The following EXOC6 variants were observed in gnomAD, a reference collection of about 807,000 sequenced individuals.
EXOC6 encodes the protein SEC15-like 1.
EXOC6 carries 60 observed loss-of-function variants against 112.5 expected under a neutral mutation model. The ratio of observed to expected loss-of-function variants is 0.53; its 90% CI spans 0.43 to 0.66. The LOEUF (loss-of-function observed/expected upper bound fraction) is 0.66, where lower values mean the gene tolerates loss of function less well. Ranked by LOEUF, EXOC6 falls within the 30% of genes least tolerant of loss-of-function variation. The pLI is 0.00. For missense variants in EXOC6, 855 were observed against 957.1 expected (o/e 0.89, Z 1.41); for synonymous variants, 295 against 308.0 (o/e 0.96, Z 0.44).
chr10:92,873,084 C>T lies in EXOC6; in HGVS notation c.102-20265C>T, dbSNP rs576915252. ...ATTTATTTTCGCAATTCATTTTATC[C>T]TAGAGGACAAATACAATTAAATATA... On this transcript the variant is annotated intron_variant, in intron 1 of 21. Transcript: ENST00000260762. Among the ~76,000 whole-genome samples the T allele has an allele frequency of 1.5e-4, 23 of 152,224 alleles. No homozygotes were observed. In the South Asian group the frequency reaches 4.8e-3, roughly 32 times the overall value.
intron 1 of EXOC6, among the ~76,000 whole-genome samples, chr10:92,891,021 CG>C (rs1564805071): frequency 6.6e-6 from 1 of 152,140 alleles, no homozygotes; most frequent in African/African-American, 2.4e-5. Context: ...GACAAATCTA[CG>C]CAAGACATGT....
chr10:92,946,075 G>A (rs1852974805), intron 13 of EXOC6, among the ~76,000 whole-genome samples: 1 of 151,892 alleles, frequency 6.6e-6, no homozygotes, highest in African/African-American at 2.4e-5. Flanking sequence ...TGGATCACCA[G>A]GTCAGGAGAT....
chr10:92,926,675 A>G (rs935588334), intron 8 of EXOC6, among the ~76,000 whole-genome samples: 3 of 152,118 alleles, frequency 2.0e-5, no homozygotes, highest in African/African-American at 7.2e-5. Flanking sequence ...TTGGGATTAC[A>G]GGCACGTACC....
chr10:92,866,122 G>A (rs1271774975), intron 1 of EXOC6, among the ~76,000 whole-genome samples: 2 of 149,824 alleles, frequency 1.3e-5, no homozygotes, highest in Non-Finnish European at 3.0e-5. Context: ...AAAAATAAAA[G>A]CATCTACACA....
chr10:93,021,721 C>A (rs1399887258), intron 20 of EXOC6, among the ~76,000 whole-genome samples: 1 of 152,192 alleles, frequency 6.6e-6, no homozygotes, highest in African/African-American at 2.4e-5. Flanking sequence ...AAGTTTCCTA[C>A]TGGTGTAAGT....
chr10:93,037,859 G>A (rs1296973415), intron 20 of EXOC6, among the ~76,000 whole-genome samples: 1 of 150,778 alleles, frequency 6.6e-6, no homozygotes, highest in Non-Finnish European at 1.5e-5. Context: ...AGACCACGGT[G>A]AAACCCCGTC....
At chr10:93,014,375 C>G in intron 20 of EXOC6, 108 bp downstream of exon 20, 1 of 825,148 alleles carries the variant, frequency 1.2e-6, no homozygotes, top group Non-Finnish European at 2.0e-6. Flanking sequence ...TTGAAACAAC[C>G]TATCTTAAGA....
At chr10:92,966,500 A>G (rs1023631243) in intron 17 of EXOC6, among the ~76,000 whole-genome samples, 2 of 133,134 alleles carry the variant, frequency 1.5e-5, no homozygotes, top group African/African-American at 2.9e-5. Flanking sequence ...ATGTGTTCTC[A>G]TTGTTCAATT....
intron 20 of EXOC6, among the ~76,000 whole-genome samples, chr10:93,019,998 G>T (rs1462149878): frequency 1.3e-5 from 2 of 152,032 alleles, no homozygotes; most frequent in Non-Finnish European, 2.9e-5. Flanking sequence ...GCCAAATATG[G>T]TAAGACTAAA....
intron 1 of EXOC6, 84 bp from the exon 2 acceptor site, chr10:92,893,265 A>T: frequency 1.0e-6 from 1 of 978,400 alleles, no homozygotes; most frequent in Non-Finnish European, 1.5e-6. Context: ...TCAGAGATTT[A>T]ATTTTAAGAT....
intron 4 of EXOC6, among the ~76,000 whole-genome samples, chr10:92,895,731 A>G (rs1242865447): frequency 6.6e-6 from 1 of 150,946 alleles, no homozygotes; most frequent in African/African-American, 2.4e-5. Context: ...ATAAAGTCTC[A>G]CTCTGTTGCC....
intron 17 of EXOC6, among the ~76,000 whole-genome samples, chr10:92,964,655 T>C (rs1289031937): frequency 6.6e-6 from 1 of 152,226 alleles, no homozygotes; most frequent in Non-Finnish European, 1.5e-5. Context: ...TAATCAGGGT[T>C]ATTAACAGAA....
intron 1 of EXOC6, among the ~76,000 whole-genome samples, chr10:92,873,448 C>T (rs1848543168): frequency 6.6e-6 from 1 of 152,056 alleles, no homozygotes; most frequent in Non-Finnish European, 1.5e-5. Flanking sequence ...TAAAATTCAA[C>T]ATCAGAAATA....
chr10:92,831,206 G>T (rs892497140), upstream of EXOC6: 3 of 534,148 alleles, frequency 5.6e-6, no homozygotes, highest in Non-Finnish European at 9.7e-6. Flanking sequence ...AGAAGACAGT[G>T]GGGTGGGAGT....
chr10:92,923,049 G>A (rs2133917490), intron 8 of EXOC6, among the ~76,000 whole-genome samples: 1 of 152,250 alleles, frequency 6.6e-6, no homozygotes, highest in East Asian at 1.9e-4. Flanking sequence ...TCCCTTTTCA[G>A]CTAGAAGCTA....
intron 1 of EXOC6, among the ~76,000 whole-genome samples, chr10:92,861,503 A>T (rs980726179): frequency 2.6e-5 from 4 of 152,102 alleles, no homozygotes; most frequent in African/African-American, 4.8e-5. Context: ...GGGTGGAAGA[A>T]TGGAGCCCTT....
chr10:92,905,704 T>C (rs996634543), intron 5 of EXOC6, among the ~76,000 whole-genome samples: 3 of 152,112 alleles, frequency 2.0e-5, no homozygotes, highest in Admixed American at 6.6e-5. Flanking sequence ...AAGTATGGTA[T>C]TAGCTTTGTA....
At chr10:92,986,670 A>G (rs1166837625) in intron 18 of EXOC6, among the ~76,000 whole-genome samples, 2 of 151,314 alleles carry the variant, frequency 1.3e-5, no homozygotes, top group African/African-American at 2.4e-5. Context: ...ATCTGGGTAA[A>G]TATCTTTTTC....
chr10:92,898,417 G>A (rs1849950936), intron 4 of EXOC6, among the ~76,000 whole-genome samples: 1 of 130,082 alleles, frequency 7.7e-6, no homozygotes, highest in African/African-American at 3.1e-5. Context: ...GTGACAGAGT[G>A]AGACCTTGTC....
Sources: gnomAD v4.1 joint callset for allele counts (sites outside exome capture counted in the v4.1 genomes callset) on GRCh38, gnomAD v4.1.1 for gene constraint, MANE v1.5 for transcripts, NCBI Gene and HGNC (gene_info 2026-07-23, HGNC 2026-07-21) for gene names.